The following C5orf22 variants were observed in gnomAD, a reference collection of about 807,000 sequenced individuals.
C5orf22 encodes UPF0489 protein C5orf22.
C5orf22 carries 36 observed loss-of-function variants against 48.7 expected under a neutral mutation model. The observed-to-expected ratio is 0.74, with a 90% CI of 0.57 to 0.98. The LOEUF (loss-of-function observed/expected upper bound fraction) is 0.98. Ranked by LOEUF, C5orf22 falls within the 50% of genes least tolerant of loss-of-function variation. The pLI is 0.00. For synonymous variants in C5orf22, 141 were observed against 180.8 expected, an observed-to-expected ratio of 0.78 and a Z score of 1.76; for missense variants, 486 against 521.9, an observed-to-expected ratio of 0.93 and a Z score of 0.67.
At chr5:31,532,751 G>A (rs1336244954) in intron 1 of C5orf22, among the ~76,000 whole-genome samples, 1 of 151,944 alleles carries the variant, frequency 6.6e-6, no homozygotes, top group African/African-American at 2.4e-5. Context: ...TTCGAAACCG[G>A]ACAGTCTGGC....
At chr5:31,543,349 C>T (rs571197064) in intron 6 of C5orf22, among the ~76,000 whole-genome samples, 3 of 152,240 alleles carry the variant, frequency 2.0e-5, no homozygotes, top group South Asian at 2.1e-4. Flanking sequence ...GGGCAGATCG[C>T]CTGAGCTCAG....
chr5:31,552,679 C>T (rs1246876961), intron 8 of C5orf22, 94 bp from the exon 9 acceptor site: 3 of 1,133,184 alleles, frequency 2.6e-6, no homozygotes, highest in Non-Finnish European at 2.5e-6. Flanking sequence ...ACCTTAATTT[C>T]TGTTTTACAT....
chr5:31,550,043 T>C (rs985536077), intron 7 of C5orf22, among the ~76,000 whole-genome samples: 1 of 152,174 alleles, frequency 6.6e-6, no homozygotes, highest in Non-Finnish European at 1.5e-5. Context: ...TGTAATCCAT[T>C]ATGATATGCC....
intron 6 of C5orf22, among the ~76,000 whole-genome samples, chr5:31,544,829 G>A (rs900845942): frequency 6.6e-6 from 1 of 151,964 alleles, no homozygotes; most frequent in Admixed American, 6.6e-5. Flanking sequence ...CCAGCTACTC[G>A]GGAGGCTGAA....
At chr5:31,548,556 T>C (rs1443648961) in intron 7 of C5orf22, 1 of 450,906 alleles carries the variant, frequency 2.2e-6, no homozygotes, top group Non-Finnish European at 4.4e-6. Context: ...CATGTCATTA[T>C]CAGCATTTTG....
chr5:31,548,613 A>AT, intron 7 of C5orf22: 1 of 449,988 alleles, frequency 2.2e-6, no homozygotes. Context: ...ACTGTCCAAC[A>AT]TTTCCCTGCC....
intron 6 of C5orf22, among the ~76,000 whole-genome samples, chr5:31,542,211 G>A (rs1561324821): frequency 2.0e-5 from 3 of 151,950 alleles, no homozygotes; most frequent in Admixed American, 1.3e-4. Context: ...AGCACTTTGG[G>A]AGGCTGAGGC....
At chr5:31,547,843 A>G (rs1458926614) in intron 7 of C5orf22, among the ~76,000 whole-genome samples, 2 of 152,220 alleles carry the variant, frequency 1.3e-5, no homozygotes, top group Non-Finnish European at 2.9e-5. Context: ...GACATGCCCC[A>G]GATACATTTT....
At chr5:31,551,050 G>A (rs1434375488) in intron 7 of C5orf22, among the ~76,000 whole-genome samples, 1 of 151,952 alleles carries the variant, frequency 6.6e-6, no homozygotes, top group Admixed American at 6.6e-5. Context: ...AACTGTTAAG[G>A]AAAAAATAAT....
intron 7 of C5orf22, among the ~76,000 whole-genome samples, chr5:31,549,334 A>T (rs1420454923): frequency 6.6e-6 from 1 of 152,256 alleles, no homozygotes; most frequent in Non-Finnish European, 1.5e-5. Flanking sequence ...CTCCCATGAC[A>T]CATGGAAATT....
chr5:31,542,938 C>T (rs1742563454), intron 6 of C5orf22, among the ~76,000 whole-genome samples: 1 of 152,112 alleles, frequency 6.6e-6, no homozygotes, highest in Non-Finnish European at 1.5e-5. Context: ...TAGGCCAGAA[C>T]ATGAACAGCC....
intron 7 of C5orf22, chr5:31,548,379 C>T: frequency 4.2e-6 from 1 of 239,156 alleles, no homozygotes; most frequent in East Asian, 1.3e-4. Context: ...GTTTCTTCCA[C>T]CAGATATGCT....
At chr5:31,538,732 T>C (rs780128812) in intron 4 of C5orf22, 43 bp downstream of exon 4, 3 of 1,444,638 alleles carry the variant, frequency 2.1e-6, no homozygotes, top group Admixed American at 3.9e-5. Context: ...GAGAATTGTA[T>C]GGCTTTTCTC....
chr5:31,552,695 T>G, intron 8 of C5orf22, 78 bp from the exon 9 acceptor site: 2 of 1,285,626 alleles, frequency 1.6e-6, no homozygotes, highest in Admixed American at 2.0e-5. Flanking sequence ...TACATTGAAA[T>G]GAACACATGC....
rs775831828 is a variant in C5orf22 at position 31,534,296 on chromosome 5, A to AT, written c.107dup (p.Gly37ArgfsTer9). 2 of 1,613,852 alleles carry AT rather than the reference A, an allele frequency of 1.2e-6. No individual in the cohort carries two copies. The highest frequency in any genetic ancestry group is 2.7e-5 in the African/African-American group (2 of 74,916). On this transcript the variant is annotated frameshift_variant, in exon 2 of 9. Coordinates refer to ENST00000325366, the MANE Select transcript of C5orf22 (RefSeq NM_018356.3). LOFTEE classifies it high-confidence loss of function. ...GGTTCTACCCTTTATATACCGGGCC[A>AT]TAGGCTCAAAGCATCTTCCTGCCAG... is the stretch of plus-strand genomic sequence containing the variant.
rs904912568 is a variant in C5orf22, at chr5:31,534,270, A to C, written c.82-2A>C. 1 of 1,606,102 alleles carries C rather than the reference A, an allele frequency of 6.2e-7. No individual in the cohort carries two copies. On this transcript the variant is annotated splice_acceptor_variant, in intron 1 of 8. Transcript: ENST00000325366. LOFTEE classifies it high-confidence loss of function. Reference sequence around the variant, plus strand: ...CTTATTGTGTGCCTGTGTCTTTTACAGGTTCTACCCTTTATATACCGGGCC... The same window carrying C: ...CTTATTGTGTGCCTGTGTCTTTTACCGGTTCTACCCTTTATATACCGGGCC...
chr5:31,538,714 TAG>T, intron 4 of C5orf22, 25 bp downstream of exon 4: 1 of 1,533,552 alleles, frequency 6.5e-7, no homozygotes, highest in Non-Finnish European at 8.9e-7. Context: ...TTTTAACACA[TAG>T]ATCTTGAGAA....
chr5:31,551,425 A>G lies in C5orf22; in HGVS notation c.1192A>G (p.Ile398Val), dbSNP rs753363919. ...KNLPNPTLVT[I>V]ARSSLDDYCP... Reference sequence around the variant, plus strand: ...TTTACCAAATCCTACTCTTGTGACAATTGCAAGGTAAGTGTGTTCAGCAGA... The same window carrying G: ...TTTACCAAATCCTACTCTTGTGACAGTTGCAAGGTAAGTGTGTTCAGCAGA... The change falls in exon 8 of 9, where the codon ATT becomes GTT. Residue 398 changes from isoleucine to valine, a missense_variant. This residue lies in a region of C5orf22 where 408 missense variants were observed against 444.0 expected (regional missense o/e 0.92). Coordinates refer to ENST00000325366, the MANE Select transcript of C5orf22 (RefSeq NM_018356.3). 1.9e-6 allele frequency: 3 copies of G among 1,610,150 alleles called. No homozygotes were observed. Among genetic ancestry groups the G allele is most frequent in the South Asian group, 2.2e-5 (2 of 90,402 alleles).
At chr5:31,535,023 A>AT (rs1491513900) in intron 2 of C5orf22, 1 of 454,098 alleles carries the variant, frequency 2.2e-6, no homozygotes, top group African/African-American at 2.0e-5. Context: ...TTTGGTTGAA[A>AT]TATATGATGA....
Sources: allele counts gnomAD v4.1 joint callset (sites outside exome capture counted in the v4.1 genomes callset), GRCh38; gene constraint gnomAD v4.1.1; regional missense constraint gnomAD v4.1.1; transcripts MANE v1.5; gene names NCBI Gene and HGNC (gene_info 2026-07-23, HGNC 2026-07-21).